SUMF1: variants seen among roughly 807,000 people sequenced by gnomAD.
SUMF1 encodes formylglycine-generating enzyme.
In SUMF1, 48 loss-of-function variants were observed where a neutral mutation model predicts 47.6. That is an observed-to-expected ratio of 1.01 (90% CI 0.80 to 1.28). The LOEUF (loss-of-function observed/expected upper bound fraction) is 1.28, where lower values mean the gene tolerates loss of function less well. Among genes scored for constraint, SUMF1 ranks in the 50% most tolerant of loss-of-function variants. SUMF1 has a pLI of 0.00. For synonymous variants in SUMF1, 230 were observed against 192.1 expected (o/e 1.20, Z -1.63); for missense variants, 571 against 485.4 (o/e 1.18, Z -1.66).
Position 4,265,495 on chromosome 3 carries a change from A to G in SUMF1, c.1014+110835T>C, listed in dbSNP as rs907286141. Among the ~76,000 whole-genome samples the G allele has an allele frequency of 5.3e-5, 8 of 152,274 alleles. No homozygotes were observed. In the South Asian group the frequency reaches 1.2e-3, roughly 24 times the overall value. On this transcript the variant is annotated intron_variant and NMD_transcript_variant, in intron 8 of 12. Transcript: ENST00000448413. ...TTCACACATTATTATTTAAATTCTCAGTGTCTCTGCTAATTGTTCCAAGCT... is the reference window on the plus strand; with the variant it reads ...TTCACACATTATTATTTAAATTCTCGGTGTCTCTGCTAATTGTTCCAAGCT...
chr3:4,100,700 A>C (rs1341177336), intron 8 of SUMF1, among the ~76,000 whole-genome samples: 1 of 152,016 alleles, frequency 6.6e-6, no homozygotes, highest in Non-Finnish European at 1.5e-5. Context: ...AAAATGATTA[A>C]TAGAGTGAAG....
At chr3:4,208,723 T>C (rs1443233741) in intron 8 of SUMF1, among the ~76,000 whole-genome samples, 1 of 151,796 alleles carries the variant, frequency 6.6e-6, no homozygotes, top group African/African-American at 2.4e-5. Flanking sequence ...TGGACGTGAC[T>C]AAGGAAAAAA....
intron 8 of SUMF1, among the ~76,000 whole-genome samples, chr3:4,162,801 T>G (rs1191071780): frequency 6.6e-6 from 1 of 152,122 alleles, no homozygotes; most frequent in Non-Finnish European, 1.5e-5. Flanking sequence ...TTTTTTGTTC[T>G]TATGAAGGTG....
chr3:4,409,141 C>G (rs767889767), intron 7 of SUMF1, among the ~76,000 whole-genome samples: 1 of 152,022 alleles, frequency 6.6e-6, no homozygotes, highest in Non-Finnish European at 1.5e-5. Flanking sequence ...AGGCAGGGAG[C>G]CCTCTGGGAG....
chr3:4,038,487 G>C (rs1344802568), intron 9 of SUMF1, among the ~76,000 whole-genome samples: 1 of 152,166 alleles, frequency 6.6e-6, no homozygotes, highest in Admixed American at 6.5e-5. Flanking sequence ...GCTTTCAGTT[G>C]CTCCCGGGGG....
intron 8 of SUMF1, among the ~76,000 whole-genome samples, chr3:4,191,210 G>C (rs1174443054): frequency 1.3e-5 from 2 of 152,104 alleles, no homozygotes; most frequent in Non-Finnish European, 2.9e-5. Context: ...TTTTTACTTG[G>C]ATTTTATGTT....
chr3:4,361,243 C>T lies in SUMF1; in HGVS notation c.*901G>A, dbSNP rs935073768. 2 of 152,570 alleles carry T rather than the reference C, an allele frequency of 1.3e-5. No homozygotes were observed. The highest frequency in any genetic ancestry group is 4.8e-5 in the African/African-American group (2 of 41,458). 9.5% of individuals were successfully genotyped at this position (152,570 alleles called of 1,614,324 possible). A position where few individuals can be genotyped will look rare whatever the true frequency, so the allele number is the denominator to read the frequency against. ...TTTCCTATTCCCTATTACAAAATAC[C>T]GGATACCCTGAATATAGCTCATTCA... On this transcript the variant is annotated 3_prime_UTR_variant, in exon 9 of 9. Coordinates refer to ENST00000272902, the MANE Select transcript of SUMF1 (RefSeq NM_182760.4).
At chr3:4,357,625 T>TTTA (rs1699649968), downstream of SUMF1, among the ~76,000 whole-genome samples, 1 of 109,688 alleles carries the variant, frequency 9.1e-6, no homozygotes, top group Admixed American at 9.0e-5. Context: ...TTATTTATTT[T>TTTA]GAGACGGAGT....
At chr3:4,082,217 C>A (rs1472761788) in intron 8 of SUMF1, among the ~76,000 whole-genome samples, 2 of 151,898 alleles carry the variant, frequency 1.3e-5, no homozygotes, top group Non-Finnish European at 2.9e-5. Context: ...CCTGTAATCC[C>A]AGCATTTTGG....
chr3:4,134,245 G>C (rs1087731), intron 8 of SUMF1, among the ~76,000 whole-genome samples: 105,932 of 151,914 alleles, frequency 0.7, 37,460 homozygotes, highest in Admixed American at 0.77. Flanking sequence ...AAATGTAAAA[G>C]AACAGAAATT....
chr3:4,216,849 A>C (rs959056414), intron 8 of SUMF1, among the ~76,000 whole-genome samples: 1 of 152,180 alleles, frequency 6.6e-6, no homozygotes, highest in Non-Finnish European at 1.5e-5. Flanking sequence ...GGGATCGTCA[A>C]AAAGTCAGGA....
At chr3:4,301,874 G>A (rs188711765) in intron 8 of SUMF1, among the ~76,000 whole-genome samples, 7 of 152,298 alleles carry the variant, frequency 4.6e-5, no homozygotes, top group Non-Finnish European at 8.8e-5. Flanking sequence ...TTGGAGACTG[G>A]TGACCTAATC....
At chr3:4,083,805 C>A (rs1205444988) in intron 8 of SUMF1, among the ~76,000 whole-genome samples, 1 of 138,790 alleles carries the variant, frequency 7.2e-6, no homozygotes, top group African/African-American at 2.7e-5. Flanking sequence ...AATACAAATA[C>A]AAATATGACA....
chr3:4,382,701 A>C (rs543398527), intron 7 of SUMF1, among the ~76,000 whole-genome samples: 1 of 152,350 alleles, frequency 6.6e-6, no homozygotes, highest in Admixed American at 6.5e-5. Flanking sequence ...CTGGATAAAG[A>C]AAATGTGGCA....
At chr3:4,451,119 G>C (rs1484627930) in intron 2 of SUMF1, among the ~76,000 whole-genome samples, 1 of 151,952 alleles carries the variant, frequency 6.6e-6, no homozygotes, top group Admixed American at 6.6e-5. Context: ...ATAGTATTAT[G>C]AAGAAAAGTC....
intron 8 of SUMF1, among the ~76,000 whole-genome samples, chr3:4,221,604 T>C (rs770440556): frequency 5.9e-5 from 9 of 152,132 alleles, no homozygotes; most frequent in Non-Finnish European, 1.0e-4. Flanking sequence ...TGTGGACCTA[T>C]CATTCACTCA....
intron 7 of SUMF1, among the ~76,000 whole-genome samples, chr3:4,382,215 A>G (rs146911691): frequency 6.6e-6 from 1 of 152,326 alleles, no homozygotes; most frequent in East Asian, 1.9e-4. Context: ...ATTAACAAAA[A>G]TAATCTTATC....
At chr3:4,141,352 A>G (rs953574756) in intron 8 of SUMF1, among the ~76,000 whole-genome samples, 4 of 152,146 alleles carry the variant, frequency 2.6e-5, no homozygotes, top group Non-Finnish European at 5.9e-5. Context: ...ATTGAAATCC[A>G]TCTCACTTAG....
At chr3:4,138,195 A>G (rs1300256468) in intron 8 of SUMF1, among the ~76,000 whole-genome samples, 1 of 152,142 alleles carries the variant, frequency 6.6e-6, no homozygotes, top group Non-Finnish European at 1.5e-5. Flanking sequence ...GCAAGACTTA[A>G]TATTGTTAAG....
Sources: gnomAD v4.1 joint callset for allele counts (sites outside exome capture counted in the v4.1 genomes callset) on GRCh38, gnomAD v4.1.1 for gene constraint, MANE v1.5 for transcripts, NCBI Gene and HGNC (gene_info 2026-07-23, HGNC 2026-07-21) for gene names.